PATE3: variants seen among roughly 807,000 people sequenced by gnomAD.
The protein encoded by PATE3 is prostate and testis expressed 3, also known as prostate and testis expressed protein 3.
PATE3 carries 7 observed loss-of-function variants against 7.4 expected under a neutral mutation model. That is an observed-to-expected ratio of 0.95 (90% CI 0.54 to 1.78). PATE3 has a LOEUF of 1.78. PATE3 is among the 40% of genes most tolerant of loss of function. The probability of loss-of-function intolerance (pLI) is 0.00; values close to 1 mark genes in which losing one functional copy is unlikely to be tolerated. For missense variants in PATE3, 117 were observed against 122.5 expected, an observed-to-expected ratio of 0.96 and a Z score of 0.21; for synonymous variants, 38 against 40.2, an observed-to-expected ratio of 0.94 and a Z score of 0.21.
At chr11:125,789,621 G>A in intron 2 of PATE3, 113 bp downstream of exon 2, 1 of 1,240,514 alleles carries the variant, frequency 8.1e-7, no homozygotes. Context: ...CTGAGCACAG[G>A]TGGTAGCACA....
intron 2 of PATE3, 71 bp from the exon 3 acceptor site, chr11:125,790,407 A>G (rs1261000408): frequency 4.2e-6 from 6 of 1,422,466 alleles, no homozygotes; most frequent in Non-Finnish European, 5.6e-6. Flanking sequence ...CAACAGAACT[A>G]GTGCTGGGTT....
chr11:125,791,500 C>G lies in PATE3; in HGVS notation c.*898C>G, dbSNP rs1289112850. 1 of 152,168 alleles carries G rather than the reference C, an allele frequency of 6.6e-6. No individual in the cohort carries two copies. Among genetic ancestry groups the G allele is most frequent in the Non-Finnish European group, 1.5e-5 (1 of 68,042 alleles). The allele number at this position is 152,168 out of a possible 1,614,324, so 9.4% of individuals were successfully genotyped here. ...AGGGAGTCAAACATAGTCAAGATAC[C>G]ATCTACCCTGTACAGCTTTCTTGAG... On this transcript the variant is annotated 3_prime_UTR_variant, in exon 3 of 3. Transcript: ENST00000445202.
At chr11:125,788,313 C>A (rs1432095501) in intron 1 of PATE3, 113 bp downstream of exon 1, 25 of 881,508 alleles carry the variant, frequency 2.8e-5, no homozygotes, top group Non-Finnish European at 3.4e-5. Context: ...CTTTTATGAG[C>A]CAGGGGAAGC....
rs918339920 is a variant in PATE3 at position 125,788,249 on chromosome 11, C to A, written c.49+49C>A. The A allele has an allele frequency of 3.3e-6, 5 of 1,506,144 alleles. No individual in the cohort carries two copies. The Admixed American group carries it at 8.0e-5, about 24-fold the overall frequency. 93.3% of individuals were successfully genotyped at this position (1,506,144 alleles called of 1,614,324 possible). A position where few individuals can be genotyped will look rare whatever the true frequency, so the allele number is the denominator to read the frequency against. On this transcript the variant is annotated intron_variant, in intron 1 of 2. Coordinates refer to ENST00000445202, the MANE Select transcript of PATE3 (RefSeq NM_001129883.4). ...TACTTGAGAGACAGGATCTAGGGAG[C>A]TCCAGGGAAACTACATGTGTAGCAT...
chr11:125,788,172 C>A lies in PATE3; in HGVS notation c.21C>A (p.Phe7Leu). 6.4e-7 allele frequency: 1 copy of A among 1,551,462 alleles called. No individual in the cohort carries two copies. The highest frequency in any genetic ancestry group is 1.2e-5 in the South Asian group (1 of 84,038). MNKHFL[F>L]LFLLYCLIVA... Reference sequence around the variant, plus strand: ...TCAGGATGAACAAACACTTCTTGTTCCTCTTCCTCCTTTACTGCCTCATTG... The same window carrying A: ...TCAGGATGAACAAACACTTCTTGTTACTCTTCCTCCTTTACTGCCTCATTG... Residue 7 changes from phenylalanine (F) to leucine (L), a missense_variant, in exon 1 of 3, where the codon TTC becomes TTA. Coordinates refer to ENST00000445202, the MANE Select transcript of PATE3 (RefSeq NM_001129883.4).
intron 2 of PATE3, 135 bp downstream of exon 2, chr11:125,789,643 A>C (rs1408129325): frequency 1.1e-6 from 1 of 921,742 alleles, no homozygotes. Context: ...GTCCCTGTGC[A>C]TACAGACAGA....
intron 2 of PATE3, 24 bp downstream of exon 2, chr11:125,789,532 T>A: frequency 6.5e-7 from 1 of 1,538,518 alleles, no homozygotes; most frequent in Non-Finnish European, 8.8e-7. Context: ...TCAGGGAAGG[T>A]GTTGTAAGAT....
intron 2 of PATE3, 74 bp from the exon 3 acceptor site, chr11:125,790,404 A>T: frequency 7.1e-7 from 1 of 1,416,922 alleles, no homozygotes; most frequent in South Asian, 1.4e-5. Flanking sequence ...CACCAACAGA[A>T]CTAGTGCTGG....
intron 1 of PATE3, among the ~76,000 whole-genome samples, chr11:125,788,762 C>T (rs1943586130): frequency 6.6e-6 from 1 of 152,254 alleles, no homozygotes; most frequent in South Asian, 2.1e-4. Context: ...GCTTACAAGG[C>T]TTTTGCGAGG....
At chr11:125,789,696 T>G (rs1476755168) in intron 2 of PATE3, among the ~76,000 whole-genome samples, 188 bp downstream of exon 2, 1 of 152,186 alleles carries the variant, frequency 6.6e-6, no homozygotes, top group African/African-American at 2.4e-5. Context: ...ACTTGGGGAT[T>G]CTATATTTCC....
In PATE3 at chr11:125,790,680, C is replaced by A; in HGVS notation, c.*78C>A. On this transcript the variant is annotated 3_prime_UTR_variant, in exon 3 of 3. Coordinates refer to ENST00000445202, the MANE Select transcript of PATE3 (RefSeq NM_001129883.4). The stretch of plus-strand genomic sequence containing the variant: ...CTTCACACTCTGCTGGCCCTTGCTT[C>A]CCTTCCGTGTCTGTCCTGACAATAC... 7.0e-7 allele frequency: 1 copy of A among 1,424,988 alleles called. No individual in the cohort carries two copies. Among genetic ancestry groups the A allele is most frequent in the South Asian group, 1.4e-5 (1 of 72,842 alleles). 88.3% of individuals were successfully genotyped at this position (1,424,988 alleles called of 1,614,324 possible). A position where few individuals can be genotyped will look rare whatever the true frequency, so the allele number is the denominator to read the frequency against.
Position 125,790,678 on chromosome 11 carries a change from T to A in PATE3, c.*76T>A. On this transcript the variant is annotated 3_prime_UTR_variant, in exon 3 of 3. Coordinates refer to ENST00000445202, the MANE Select transcript of PATE3 (RefSeq NM_001129883.4). Reference sequence around the variant, plus strand: ...TCCTTCACACTCTGCTGGCCCTTGCTTCCCTTCCGTGTCTGTCCTGACAAT... The same window carrying A: ...TCCTTCACACTCTGCTGGCCCTTGCATCCCTTCCGTGTCTGTCCTGACAAT... 3 of 1,431,566 alleles carry A rather than the reference T, an allele frequency of 2.1e-6. No homozygotes were observed. The highest frequency in any genetic ancestry group is 2.8e-6 in the Non-Finnish European group (3 of 1,058,344). 88.7% of individuals were successfully genotyped at this position (1,431,566 alleles called of 1,614,324 possible).
At position 125,788,180 on chromosome 11, in the gene PATE3, T is replaced by G. The variant is rs2134181741; in HGVS notation, c.29T>G (p.Leu10Arg). 1.9e-6 allele frequency: 3 copies of G among 1,551,468 alleles called. No homozygotes were observed. The East Asian group carries it at 7.3e-5, about 38-fold the overall frequency. ...AACAAACACTTCTTGTTCCTCTTCC[T>G]CCTTTACTGCCTCATTGTGGGTGAG... is the stretch of plus-strand genomic sequence containing the variant. MNKHFLFLFLLYCLIVAVTS... is the reference protein window; with the variant it reads MNKHFLFLFRLYCLIVAVTS... The change falls in exon 1 of 3, where the codon CTC (leucine) becomes CGC (arginine). Residue 10 changes from leucine (L) to arginine (R), a missense_variant. Transcript: ENST00000445202.
Position 125,790,622 on chromosome 11 carries a change from T to C in PATE3, c.*20T>C. On this transcript the variant is annotated 3_prime_UTR_variant, in exon 3 of 3. Coordinates refer to ENST00000445202, the MANE Select transcript of PATE3 (RefSeq NM_001129883.4). ...CTCTAAGATATTTGCCCTCCTGAGG[T>C]CTCGCTTTGGAATGTCCCCAATGTT... The C allele has an allele frequency of 6.5e-7, 1 of 1,547,762 alleles. No individual in the cohort carries two copies. The highest frequency in any genetic ancestry group is 8.7e-7 in the Non-Finnish European group (1 of 1,144,992).
At chr11:125,788,407 C>A (rs567898566) in intron 1 of PATE3, among the ~76,000 whole-genome samples, 3 of 152,176 alleles carry the variant, frequency 2.0e-5, no homozygotes, top group South Asian at 2.1e-4. Context: ...GATGGGCAGG[C>A]CTCTGTCCTG....
chr11:125,790,816 T>G lies in PATE3; in HGVS notation c.*214T>G, dbSNP rs1412516632. The G allele has an allele frequency of 2.3e-6, 1 of 444,292 alleles. No homozygotes were observed. The highest frequency in any genetic ancestry group is 3.9e-6 in the Non-Finnish European group (1 of 255,022). The allele number at this position is 444,292 out of a possible 1,614,324, so 27.5% of individuals were successfully genotyped here. On this transcript the variant is annotated 3_prime_UTR_variant, in exon 3 of 3. Transcript: ENST00000445202. Reference sequence around the variant, plus strand: ...TAGTGGTTCTGAACAATGGATTTCTTCTATTATTGGGATTATTGGCATGGC... The same window carrying G: ...TAGTGGTTCTGAACAATGGATTTCTGCTATTATTGGGATTATTGGCATGGC...
intron 1 of PATE3, 84 bp from the exon 2 acceptor site, chr11:125,789,302 T>A (rs1309887816): frequency 2.2e-6 from 3 of 1,387,644 alleles, no homozygotes; most frequent in Non-Finnish European, 2.9e-6. Context: ...CACTATTCAT[T>A]CCCCACCTCC....
chr11:125,791,202 T>G lies in PATE3; in HGVS notation c.*600T>G, dbSNP rs1943608198. The G allele has an allele frequency of 6.6e-6, 1 of 151,036 alleles. No homozygotes were observed. Among genetic ancestry groups the G allele is most frequent in the Non-Finnish European group, 1.5e-5 (1 of 67,700 alleles). 9.4% of individuals were successfully genotyped at this position (151,036 alleles called of 1,614,324 possible). On this transcript the variant is annotated 3_prime_UTR_variant, in exon 3 of 3. Coordinates refer to ENST00000445202, the MANE Select transcript of PATE3 (RefSeq NM_001129883.4). ...CCGGCCTCTGTGACATTCACCGAGC[T>G]CTCACACAGCCACTGCTACTCCTAT...
At chr11:125,788,327 C>T in intron 1 of PATE3, 127 bp downstream of exon 1, 3 of 777,210 alleles carry the variant, frequency 3.9e-6, no homozygotes, top group South Asian at 3.8e-5. Flanking sequence ...GGGAAGCCAG[C>T]CTCCAGAATG....
Sources: allele counts gnomAD v4.1 joint callset (sites outside exome capture counted in the v4.1 genomes callset), GRCh38; gene constraint gnomAD v4.1.1; transcripts MANE v1.5; gene names NCBI Gene and HGNC (gene_info 2026-07-23, HGNC 2026-07-21).